The following PTPRD variants were observed in gnomAD, a reference collection of about 807,000 sequenced individuals.
The protein encoded by PTPRD is receptor-type tyrosine-protein phosphatase delta.
A neutral mutation model predicts 214.5 loss-of-function variants in PTPRD; 34 were observed. That is an observed-to-expected ratio of 0.16 (90% confidence interval 0.12 to 0.21). The LOEUF (loss-of-function observed/expected upper bound fraction) is 0.21. PTPRD is among the 10% of genes least tolerant of loss of function. The pLI is 1.00. For synonymous variants in PTPRD, 1,128 were observed against 845.7 expected, an observed-to-expected ratio of 1.33 and a Z score of -5.79; for missense variants, 2,545 against 2,398.7, an observed-to-expected ratio of 1.06 and a Z score of -1.27.
intron 3 of PTPRD, among the ~76,000 whole-genome samples, chr9:10,181,942 T>C (rs1184245692): frequency 2.6e-5 from 1 of 38,514 alleles, no homozygotes; most frequent in African/African-American, 8.3e-5. Flanking sequence ...TCATAAATAC[T>C]AAAAAAAAAA....
intron 3 of PTPRD, among the ~76,000 whole-genome samples, chr9:10,292,977 C>G (rs923770204): frequency 6.6e-6 from 1 of 151,886 alleles, no homozygotes; most frequent in African/African-American, 2.4e-5. Flanking sequence ...TGATCGTTTA[C>G]AGTAAAATGT....
chr9:8,443,888 A>ACTT (rs1366403378), intron 34 of PTPRD, among the ~76,000 whole-genome samples: 1 of 152,178 alleles, frequency 6.6e-6, no homozygotes, highest in African/African-American at 2.4e-5. Context: ...AAAAATGAAC[A>ACTT]CATATTAGTA....
intron 2 of PTPRD, among the ~76,000 whole-genome samples, chr9:10,462,039 C>T (rs1490346825): frequency 1.3e-5 from 2 of 151,940 alleles, no homozygotes; most frequent in Admixed American, 1.3e-4. Context: ...GTAGGTCAAT[C>T]GATACAAAGT....
chr9:10,178,647 G>A (rs1245012957), intron 3 of PTPRD, among the ~76,000 whole-genome samples: 1 of 151,906 alleles, frequency 6.6e-6, no homozygotes, highest in Non-Finnish European at 1.5e-5. Flanking sequence ...AATTTAAAAA[G>A]AAATAATAAG....
intron 14 of PTPRD, among the ~76,000 whole-genome samples, chr9:8,563,410 T>G (rs1478760351): frequency 6.6e-6 from 1 of 151,668 alleles, no homozygotes; most frequent in African/African-American, 2.4e-5. Flanking sequence ...ACAGATGGTC[T>G]CCTACTTACA....
At chr9:10,595,504 A>G (rs939630987) in intron 2 of PTPRD, among the ~76,000 whole-genome samples, 2 of 151,728 alleles carry the variant, frequency 1.3e-5, no homozygotes, top group Non-Finnish European at 2.9e-5. Flanking sequence ...GGTACACCAA[A>G]TAGGCTAATC....
intron 3 of PTPRD, among the ~76,000 whole-genome samples, chr9:10,292,971 C>T (rs978420968): frequency 2.6e-5 from 4 of 151,778 alleles, no homozygotes; most frequent in East Asian, 1.9e-4. Context: ...TCCAGATGAT[C>T]GTTTACAGTA....
chr9:9,591,636 T>G (rs576411577), intron 7 of PTPRD, among the ~76,000 whole-genome samples: 1 of 152,152 alleles, frequency 6.6e-6, no homozygotes, highest in East Asian at 1.9e-4. Context: ...TGAATACATA[T>G]TTAGCTATGT....
At chr9:8,974,030 T>A (rs899162710) in intron 11 of PTPRD, among the ~76,000 whole-genome samples, 2 of 152,168 alleles carry the variant, frequency 1.3e-5, no homozygotes, top group African/African-American at 2.4e-5. Flanking sequence ...GTCCATAGTT[T>A]CTTTTGTTTT....
At chr9:9,935,959 C>A (rs201164197) in intron 5 of PTPRD, among the ~76,000 whole-genome samples, 16 of 149,286 alleles carry the variant, frequency 1.1e-4, no homozygotes, top group African/African-American at 3.8e-4. Flanking sequence ...ACAAACCTGA[C>A]CAAAACAAGC....
At chr9:8,931,869 G>A (rs1241096665) in intron 11 of PTPRD, among the ~76,000 whole-genome samples, 3 of 151,968 alleles carry the variant, frequency 2.0e-5, no homozygotes, top group South Asian at 2.1e-4. Context: ...TCAGGGATTC[G>A]ACTTCTTCTT....
chr9:8,428,677 GTGTGTGTGTA>G (rs1320114516), intron 35 of PTPRD, among the ~76,000 whole-genome samples: 11 of 152,260 alleles, frequency 7.2e-5, no homozygotes, highest in Middle Eastern at 3.4e-3. Context: ...AAAAAATTGT[GTGTGTGTGTA>G]TGTGTGTGTG....
At chr9:9,815,776 G>C (rs1181670573) in intron 5 of PTPRD, among the ~76,000 whole-genome samples, 2 of 152,082 alleles carry the variant, frequency 1.3e-5, no homozygotes, top group African/African-American at 4.8e-5. Flanking sequence ...AGAGTATGTT[G>C]GTCAAAGAGT....
chr9:10,580,136 C>A lies in PTPRD; in HGVS notation c.-600+32262G>T, dbSNP rs1255595975. On this transcript the variant is annotated intron_variant, in intron 2 of 45. Transcript: ENST00000381196. ...GTGTCTTCTATTAAATTCAGGAGAA[C>A]CTAGCCTCACTCTTTTTTCTATAAA... Among the ~76,000 whole-genome samples the A allele has an allele frequency of 2.0e-5, 3 of 152,106 alleles. 1 individual carries two copies. The highest frequency in any genetic ancestry group is 6.6e-5 in the Admixed American group (1 of 15,264).
chr9:8,873,811 G>A (rs989660514), intron 11 of PTPRD, among the ~76,000 whole-genome samples: 1 of 152,162 alleles, frequency 6.6e-6, no homozygotes, highest in Non-Finnish European at 1.5e-5. Context: ...GAAATGAAGA[G>A]AGGGAGGTAA....
intron 5 of PTPRD, among the ~76,000 whole-genome samples, chr9:9,892,536 T>C (rs2073710508): frequency 6.6e-6 from 1 of 152,054 alleles, no homozygotes; most frequent in Admixed American, 6.6e-5. Context: ...ACACTTGTAA[T>C]GATGTTGGCT....
chr9:10,151,024 T>C (rs1327042446), intron 3 of PTPRD, among the ~76,000 whole-genome samples: 1 of 151,196 alleles, frequency 6.6e-6, no homozygotes, highest in Admixed American at 6.6e-5. Flanking sequence ...AATATTTGGG[T>C]GTATGAGTGT....
chr9:9,542,119 A>G (rs939388558), intron 8 of PTPRD, among the ~76,000 whole-genome samples: 3 of 151,674 alleles, frequency 2.0e-5, no homozygotes, highest in Non-Finnish European at 4.4e-5. Flanking sequence ...GAAAAAGGAG[A>G]TACTTACAGA....
chr9:8,634,360 C>T (rs142646016), intron 13 of PTPRD, among the ~76,000 whole-genome samples: 7 of 151,990 alleles, frequency 4.6e-5, no homozygotes, highest in Non-Finnish European at 8.8e-5. Flanking sequence ...CCTTTTTTCT[C>T]TTGTATTTCA....
Sources: gnomAD v4.1 joint callset for allele counts (sites outside exome capture counted in the v4.1 genomes callset) on GRCh38, gnomAD v4.1.1 for gene constraint, MANE v1.5 for transcripts, NCBI Gene and HGNC (gene_info 2026-07-23, HGNC 2026-07-21) for gene names.